PAX5: variants seen among roughly 807,000 people sequenced by gnomAD.
PAX5 encodes paired box 5.
PAX5 carries 9 observed loss-of-function variants against 43.7 expected under a neutral mutation model. The ratio of observed to expected loss-of-function variants is 0.21; its 90% CI spans 0.12 to 0.36. PAX5 has a LOEUF of 0.36. PAX5 is among the 10% of genes least tolerant of loss of function. PAX5 has a pLI of 1.00. For synonymous variants in PAX5, 228 were observed against 214.3 expected, an observed-to-expected ratio of 1.06 and a Z score of -0.56; for missense variants, 383 against 532.7, an observed-to-expected ratio of 0.72 and a Z score of 2.77.
intron 8 of PAX5, among the ~76,000 whole-genome samples, chr9:36,848,670 C>T (rs1822843278): frequency 6.6e-6 from 1 of 152,204 alleles, no homozygotes; most frequent in Non-Finnish European, 1.5e-5. Flanking sequence ...CTATCAGAGG[C>T]ACTTCTTGAC....
chr9:36,837,776 G>A lies in PAX5; in HGVS notation c.*2784C>T. 4.3e-6 allele frequency: 1 copy of A among 233,422 alleles called. No individual in the cohort carries two copies. The highest frequency in any genetic ancestry group is 8.5e-6 in the Non-Finnish European group (1 of 118,094). The allele number at this position is 233,422 out of a possible 1,614,324, so 14.5% of individuals were successfully genotyped here. A position where few individuals can be genotyped will look rare whatever the true frequency, so the allele number is the denominator to read the frequency against. Reference sequence around the variant, plus strand: ...GCAAAGCCTCAGGTGAGGGAGGAAAGGTATGGGGGGAGCTCATTACAGGGC... The same window carrying A: ...GCAAAGCCTCAGGTGAGGGAGGAAAAGTATGGGGGGAGCTCATTACAGGGC... On this transcript the variant is annotated 3_prime_UTR_variant, in exon 10 of 10. Transcript: ENST00000358127.
intron 5 of PAX5, among the ~76,000 whole-genome samples, chr9:36,978,529 G>A (rs979178145): frequency 1.4e-5 from 2 of 139,298 alleles, no homozygotes; most frequent in Non-Finnish European, 3.2e-5. Context: ...TAAATAAAAG[G>A]GTTTAAAAAT....
At chr9:36,980,396 C>G (rs538962121) in intron 5 of PAX5, among the ~76,000 whole-genome samples, 5 of 152,270 alleles carry the variant, frequency 3.3e-5, no homozygotes, top group Admixed American at 3.3e-4. Flanking sequence ...GAGCCATTGC[C>G]GAAGCCAGAG....
chr9:36,980,937 C>A (rs935306846), intron 5 of PAX5, among the ~76,000 whole-genome samples: 2 of 152,084 alleles, frequency 1.3e-5, no homozygotes, highest in African/African-American at 4.8e-5. Flanking sequence ...TGGGTACCCC[C>A]CCAGCAATCC....
intron 7 of PAX5, among the ~76,000 whole-genome samples, chr9:36,920,250 C>T (rs1830060812): frequency 6.6e-6 from 1 of 152,136 alleles, no homozygotes; most frequent in Non-Finnish European, 1.5e-5. Flanking sequence ...AGAGCTGACT[C>T]CAATTTTGAA....
intron 7 of PAX5, among the ~76,000 whole-genome samples, chr9:36,919,794 C>G (rs61209287): frequency 0.3 from 40,946 of 136,298 alleles, 5,957 homozygotes; most frequent in South Asian, 0.39. Flanking sequence ...GAGCCCAGAT[C>G]ATGCCACTGC....
intron 8 of PAX5, among the ~76,000 whole-genome samples, chr9:36,863,468 C>CT (rs1255056000): frequency 6.6e-6 from 1 of 152,160 alleles, no homozygotes; most frequent in Non-Finnish European, 1.5e-5. Context: ...GTGCCGGGTA[C>CT]TATGAGGGGC....
At chr9:36,891,156 A>C (rs199638882) in intron 7 of PAX5, among the ~76,000 whole-genome samples, 4 of 152,152 alleles carry the variant, frequency 2.6e-5, no homozygotes, top group African/African-American at 4.8e-5. Flanking sequence ...ACAAAAAAAA[A>C]CTTCATTTTA....
intron 9 of PAX5, among the ~76,000 whole-genome samples, chr9:36,842,846 C>G (rs138865097): frequency 9.2e-5 from 14 of 152,264 alleles, no homozygotes; most frequent in Non-Finnish European, 1.8e-4. Context: ...GGCTGAGGGA[C>G]ATTCTCCCGA....
At chr9:36,946,812 G>A (rs1832558662) in intron 6 of PAX5, among the ~76,000 whole-genome samples, 1 of 152,202 alleles carries the variant, frequency 6.6e-6, no homozygotes, top group African/African-American at 2.4e-5. Context: ...CCAACCACCA[G>A]CAGGCAGGGC....
chr9:36,874,497 G>C (rs992139436), intron 8 of PAX5, among the ~76,000 whole-genome samples: 4 of 152,066 alleles, frequency 2.6e-5, no homozygotes. Flanking sequence ...CCACCCCTGG[G>C]AACCCACACC....
intron 5 of PAX5, 132 bp from the exon 6 acceptor site, chr9:36,966,856 G>A (rs1429551491): frequency 3.9e-6 from 3 of 768,502 alleles, no homozygotes; most frequent in Non-Finnish European, 6.3e-6. Flanking sequence ...CACCAGCAGG[G>A]GCTCAGGTAA....
At chr9:36,924,690 A>G (rs1830439878) in intron 6 of PAX5, among the ~76,000 whole-genome samples, 1 of 140,002 alleles carries the variant, frequency 7.1e-6, no homozygotes, top group Non-Finnish European at 1.5e-5. Context: ...ACTGTACTCC[A>G]GCTTGGGTGA....
chr9:36,958,555 G>A (rs376353945), intron 6 of PAX5, among the ~76,000 whole-genome samples: 6 of 152,132 alleles, frequency 3.9e-5, no homozygotes, highest in Non-Finnish European at 5.9e-5. Context: ...GCAATACTAC[G>A]GACTGGAGAG....
At chr9:36,867,462 T>C (rs1825007551) in intron 8 of PAX5, among the ~76,000 whole-genome samples, 1 of 152,118 alleles carries the variant, frequency 6.6e-6, no homozygotes, top group Non-Finnish European at 1.5e-5. Flanking sequence ...TTTTCACCTC[T>C]GTAAAAGGGG....
intron 1 of PAX5, among the ~76,000 whole-genome samples, chr9:37,027,811 GA>G (rs1482461684): frequency 3.3e-5 from 5 of 152,260 alleles, no homozygotes; most frequent in Admixed American, 6.5e-5. Context: ...GCCCTGGCCC[GA>G]AACACCGCCC....
intron 8 of PAX5, among the ~76,000 whole-genome samples, chr9:36,848,572 C>A (rs66538417): frequency 0.068 from 10,424 of 152,254 alleles, 479 homozygotes; most frequent in Middle Eastern, 0.15. Flanking sequence ...GCCTCCTCCT[C>A]CTCAGGTGGG....
At chr9:36,969,287 A>C (rs1298858036) in intron 5 of PAX5, among the ~76,000 whole-genome samples, 1 of 151,650 alleles carries the variant, frequency 6.6e-6, no homozygotes, top group Non-Finnish European at 1.5e-5. Flanking sequence ...GATCCCCTCA[A>C]CTCTGCCCCT....
chr9:36,842,775 C>T (rs112820765), intron 9 of PAX5, among the ~76,000 whole-genome samples: 3,272 of 152,234 alleles, frequency 0.021, 120 homozygotes, highest in African/African-American at 0.075. Context: ...TTCTTCCTGC[C>T]GGGACCGCAG....
Sources: allele counts gnomAD v4.1 joint callset (sites outside exome capture counted in the v4.1 genomes callset), GRCh38; gene constraint gnomAD v4.1.1; transcripts MANE v1.5; gene names NCBI Gene and HGNC (gene_info 2026-07-23, HGNC 2026-07-21).